The following PRKD3 variants were observed in gnomAD, a reference collection of about 807,000 sequenced individuals.
The protein encoded by PRKD3 is protein kinase D3, also known as serine/threonine-protein kinase D3.
In PRKD3, 47 loss-of-function variants were observed where a neutral mutation model predicts 99.2. That is an observed-to-expected ratio of 0.47 (90% CI 0.38 to 0.60). The LOEUF is 0.60. PRKD3 is among the 20% of genes least tolerant of loss of function. PRKD3 has a pLI of 0.00. For missense variants in PRKD3, 1,019 were observed against 1,088.4 expected (o/e 0.94, Z 0.90); for synonymous variants, 392 against 355.4 (o/e 1.10, Z -1.16).
Position 37,316,766 on chromosome 2 carries a change from A to G in PRKD3, c.-242T>C. ...AAAAAGCAGTCTTGTCTGTAGGAAG[A>G]CAACCAGGGATTTGTAAAGGATTTA... is the stretch of plus-strand genomic sequence containing the variant. On this transcript the variant is annotated 5_prime_UTR_variant, in exon 2 of 19. Coordinates refer to ENST00000234179, the MANE Select transcript of PRKD3 (RefSeq NM_005813.6). 1 of 1,344,506 alleles carries G rather than the reference A, an allele frequency of 7.4e-7. No homozygotes were observed. The highest frequency in any genetic ancestry group is 9.5e-7 in the Non-Finnish European group (1 of 1,051,000). The allele number at this position is 1,344,506 out of a possible 1,614,324, so 83.3% of individuals were successfully genotyped here.
At chr2:37,256,299 A>T (rs1240484806) in intron 17 of PRKD3, among the ~76,000 whole-genome samples, 1 of 152,220 alleles carries the variant, frequency 6.6e-6, no homozygotes, top group Non-Finnish European at 1.5e-5. Context: ...GTTAAAGAGA[A>T]GTGTTTGGGA....
chr2:37,281,474 T>C (rs1319760869), intron 7 of PRKD3, among the ~76,000 whole-genome samples: 1 of 152,080 alleles, frequency 6.6e-6, no homozygotes, highest in Non-Finnish European at 1.5e-5. Flanking sequence ...CTTTGGAAGG[T>C]GGTATCTTTG....
chr2:37,290,148 T>G (rs1225808242), intron 4 of PRKD3, among the ~76,000 whole-genome samples: 1 of 152,238 alleles, frequency 6.6e-6, no homozygotes, highest in Non-Finnish European at 1.5e-5. Context: ...GAAGACTGTT[T>G]CTTCATCAGA....
Position 37,272,254 on chromosome 2 carries a change from G to A in PRKD3, c.1704+126C>T. 2.8e-6 allele frequency: 4 copies of A among 1,428,574 alleles called. No individual in the cohort carries two copies. The South Asian group carries it at 4.2e-5, about 15-fold the overall frequency. 88.5% of individuals were successfully genotyped at this position (1,428,574 alleles called of 1,614,324 possible). ...CTATAAAGCAGAACTCCTTAGGGAA[G>A]TTACCAACCGCAAAGTCTAGCCTAG... On this transcript the variant is annotated intron_variant, in intron 12 of 18. Coordinates refer to ENST00000234179, the MANE Select transcript of PRKD3 (RefSeq NM_005813.6).
intron 5 of PRKD3, among the ~76,000 whole-genome samples, chr2:37,287,232 A>G (rs1425417817): frequency 2.2e-4 from 1 of 4,610 alleles, no homozygotes; most frequent in African/African-American, 4.7e-4. Context: ...CTCCATCTCA[A>G]AAAAAAAAAA....
chr2:37,285,627 G>A (rs941857161), intron 6 of PRKD3, among the ~76,000 whole-genome samples: 3 of 152,118 alleles, frequency 2.0e-5, no homozygotes, highest in Non-Finnish European at 2.9e-5. Context: ...TTTAGTGTCT[G>A]GCTCTGGAAT....
rs185704197 is a variant in PRKD3 at position 37,257,492 on chromosome 2, C to T, written c.2146-563G>A. 6.0e-3 allele frequency among the ~76,000 whole-genome samples: 909 copies of T among 151,856 alleles called. 7 individuals carry two copies. The highest frequency in any genetic ancestry group is 0.021 in the African/African-American group (874 of 41,422). On this transcript the variant is annotated intron_variant, in intron 16 of 18. Transcript: ENST00000234179. ...CATCCTGGCTAATGCGGTGAAACCC[C>T]GTCTCTACTGAAGATACAAAAAAAT...
At chr2:37,304,911 T>C (rs1572693186) in intron 2 of PRKD3, among the ~76,000 whole-genome samples, 1 of 152,148 alleles carries the variant, frequency 6.6e-6, no homozygotes, top group African/African-American at 2.4e-5. Flanking sequence ...ATTAAAGATC[T>C]AGGATCTTCT....
intron 13 of PRKD3, chr2:37,268,615 G>C: frequency 3.8e-6 from 1 of 261,746 alleles, no homozygotes; most frequent in Non-Finnish European, 7.5e-6. Flanking sequence ...ATTTGATGGA[G>C]AAATAGGTAC....
chr2:37,301,444 AT>A lies in PRKD3; in HGVS notation c.289-8174del, dbSNP rs1026369972. ...CTAATTAAAACCAATTCTGGATTAC[AT>A]TTTTTTTTTTTGAGTGGGGGTCTCC... On this transcript the variant is annotated intron_variant, in intron 2 of 18. Coordinates refer to ENST00000234179, the MANE Select transcript of PRKD3 (RefSeq NM_005813.6). 6.6e-3 allele frequency among the ~76,000 whole-genome samples: 954 copies of A among 145,166 alleles called. 9 individuals are homozygous for A. Among genetic ancestry groups the A allele is most frequent in the African/African-American group, 0.018 (700 of 39,932 alleles).
chr2:37,284,840 G>T (rs948094349), intron 6 of PRKD3, among the ~76,000 whole-genome samples: 7 of 151,832 alleles, frequency 4.6e-5, no homozygotes, highest in Non-Finnish European at 5.9e-5. Flanking sequence ...TGTGCACAAC[G>T]TGCAGGTTAG....
intron 16 of PRKD3, among the ~76,000 whole-genome samples, chr2:37,259,050 T>TG (rs201276692): frequency 3.4e-5 from 3 of 88,628 alleles, no homozygotes; most frequent in African/African-American, 1.0e-4. Flanking sequence ...GATGAACACT[T>TG]GGAAAAAAAA....
At chr2:37,265,181 G>C (rs147599370) in intron 14 of PRKD3, among the ~76,000 whole-genome samples, 46 of 152,160 alleles carry the variant, frequency 3.0e-4, no homozygotes, top group African/African-American at 1.1e-3. Context: ...GAATGACACG[G>C]GGCAAAGATG....
chr2:37,300,179 T>C (rs1572687355), intron 2 of PRKD3, among the ~76,000 whole-genome samples: 1 of 152,298 alleles, frequency 6.6e-6, no homozygotes, highest in African/African-American at 2.4e-5. Context: ...TGGTGGAATA[T>C]TATTCAGCCA....
At chr2:37,320,889 A>G (rs1280464285) in intron 1 of PRKD3, among the ~76,000 whole-genome samples, 2 of 152,206 alleles carry the variant, frequency 1.3e-5, no homozygotes, top group Non-Finnish European at 2.9e-5. Context: ...TGATTTTTAA[A>G]AGTCTCAGTA....
chr2:37,289,545 T>A, intron 4 of PRKD3, 32 bp from the exon 5 acceptor site: 2 of 1,526,602 alleles, frequency 1.3e-6, no homozygotes, highest in African/African-American at 1.4e-5. Context: ...AAATATAAGA[T>A]TTAAAAAAAA....
intron 2 of PRKD3, among the ~76,000 whole-genome samples, chr2:37,295,481 G>A (rs1670636417): frequency 6.6e-6 from 1 of 152,094 alleles, no homozygotes; most frequent in African/African-American, 2.4e-5. Flanking sequence ...TAAAGAATGA[G>A]ATGGGGGAAA....
At chr2:37,257,666 C>CAAAAAAAA (rs1491483662) in intron 16 of PRKD3, among the ~76,000 whole-genome samples, 2 of 62,436 alleles carry the variant, frequency 3.2e-5, no homozygotes, top group Admixed American at 1.8e-4. Context: ...GACTCTGTCT[C>CAAAAAAAA]AAAAGAAAAA....
chr2:37,292,513 T>G (rs57601861), intron 3 of PRKD3, among the ~76,000 whole-genome samples: 3,709 of 151,972 alleles, frequency 0.024, 137 homozygotes, highest in African/African-American at 0.084. Flanking sequence ...CTGGCCAAAT[T>G]TTTTTTGTAT....
Sources: allele counts gnomAD v4.1 joint callset (sites outside exome capture counted in the v4.1 genomes callset), GRCh38; gene constraint gnomAD v4.1.1; transcripts MANE v1.5; gene names NCBI Gene and HGNC (gene_info 2026-07-23, HGNC 2026-07-21).